The following DGKZ variants were observed in gnomAD, a reference collection of about 807,000 sequenced individuals.
The protein encoded by DGKZ is diacylglycerol kinase zeta.
A neutral mutation model predicts 142.5 loss-of-function variants in DGKZ; 45 were observed. The ratio of observed to expected loss-of-function variants is 0.32; its 90% CI spans 0.25 to 0.40. DGKZ has a LOEUF of 0.40. Among genes scored for constraint, DGKZ ranks in the 10% least tolerant of loss-of-function variants. The probability of loss-of-function intolerance (pLI) is 1.00; values close to 1 mark genes in which losing one functional copy is unlikely to be tolerated. For missense variants in DGKZ, 755 were observed against 1,306.5 expected, an observed-to-expected ratio of 0.58 and a Z score of 6.51; for synonymous variants, 442 against 527.0, an observed-to-expected ratio of 0.84 and a Z score of 2.21.
At chr11:46,335,302 G>T (rs569807954) in intron 1 of DGKZ, among the ~76,000 whole-genome samples, 20 of 145,472 alleles carry the variant, frequency 1.4e-4, no homozygotes, top group African/African-American at 5.0e-4. Flanking sequence ...GACAGAGGGT[G>T]ACTCCATCAA....
At chr11:46,345,328 G>A (rs572952173), upstream of DGKZ, 60 of 1,383,196 alleles carry the variant, frequency 4.3e-5, no homozygotes, top group South Asian at 6.1e-4. The surrounding 1 kb of genome is among the most constrained non-coding windows in gnomAD (Gnocchi z 4.1). Context: ...CAGCTTGGGC[G>A]GCCAGCGGCC....
At chr11:46,345,648 C>G, upstream of DGKZ, 1 of 1,429,292 alleles carries the variant, frequency 7.0e-7, no homozygotes, top group Non-Finnish European at 9.2e-7. This position sits in a 1 kb window ranked among gnomAD's most constrained non-coding sequence, Gnocchi z 4.1. Flanking sequence ...AGCCTTTTAT[C>G]TGAGATGGGG....
At chr11:46,371,632 C>T (rs368207887) in intron 8 of DGKZ, 29 bp downstream of exon 8, 52 of 1,613,352 alleles carry the variant, frequency 3.2e-5, no homozygotes, top group African/African-American at 1.3e-4. Context: ...CTTGATGCCC[C>T]GTACGCACTT....
chr11:46,379,433 C>T (rs572261721), intron 29 of DGKZ, 36 bp from the exon 30 acceptor site: 8 of 1,593,882 alleles, frequency 5.0e-6, no homozygotes, highest in South Asian at 2.3e-5. Flanking sequence ...GATCAGGGGA[C>T]GGGATGGGGT....
intron 1 of DGKZ, chr11:46,366,118 GA>G: frequency 1.4e-6 from 2 of 1,398,150 alleles, no homozygotes. Context: ...TCATGGGGCA[GA>G]GGCTGTGAAT....
exon 1 of DGKZ, chr11:46,333,380 G>T: frequency 1.4e-6 from 2 of 1,419,112 alleles, no homozygotes; most frequent in South Asian, 1.5e-5. Context: ...GCGGGGAGGA[G>T]GCCCAGGTCG....
intron 25 of DGKZ, chr11:46,377,738 C>A: frequency 3.8e-6 from 1 of 262,196 alleles, no homozygotes. Context: ...TGGTCCTGCC[C>A]CACTCTCTTC....
chr11:46,337,751 A>T (rs2136376572), intron 1 of DGKZ, among the ~76,000 whole-genome samples: 1 of 152,068 alleles, frequency 6.6e-6, no homozygotes, highest in African/African-American at 2.4e-5. Context: ...GCCGAAGGAA[A>T]AAGAGAAAAG....
rs758736517 is a variant in DGKZ at position 46,372,522 on chromosome 11, C to T, written c.1010+12C>T. 1 of 1,614,014 alleles carries T rather than the reference C, an allele frequency of 6.2e-7. No individual in the cohort carries two copies. The highest frequency in any genetic ancestry group is 8.5e-7 in the Non-Finnish European group (1 of 1,179,998). ...GGGCCCAAGGAGGCGTAAGTACTTG[C>T]CAAGGTTTTGTGGGGGACATGGGGG... On this transcript the variant is annotated intron_variant, in intron 11 of 30. Transcript: ENST00000527911. The surrounding 1 kb of genome is among the most constrained non-coding windows in gnomAD (Gnocchi z 5.9).
At position 46,367,617 on chromosome 11, in the gene DGKZ, C is replaced by T; in HGVS notation, c.271-35C>T. 3.2e-6 allele frequency: 5 copies of T among 1,562,524 alleles called. No homozygotes were observed. Among genetic ancestry groups the T allele is most frequent in the Non-Finnish European group, 4.3e-6 (5 of 1,150,462 alleles). Reference sequence around the variant, plus strand: ...GCTGATGGGAGGGAGGGCTGGGCGGCCAGCGTGTGCTGAGCAAGCCCATCC... The same window carrying T: ...GCTGATGGGAGGGAGGGCTGGGCGGTCAGCGTGTGCTGAGCAAGCCCATCC... On this transcript the variant is annotated intron_variant, in intron 2 of 30. Transcript: ENST00000527911. This position sits in a 1 kb window ranked among gnomAD's most constrained non-coding sequence, Gnocchi z 4.1.
At position 46,367,203 on chromosome 11, in the gene DGKZ, T is replaced by G; in HGVS notation, c.162-88T>G. On this transcript the variant is annotated intron_variant, in intron 1 of 30. Coordinates refer to ENST00000527911, the Ensembl canonical transcript of DGKZ. This position sits in a 1 kb window ranked among gnomAD's most constrained non-coding sequence, Gnocchi z 4.1. ...TCCTCCGCCCTCCCTGTTGCCGAGG[T>G]CACGGAAAGGGCAGAGGCCCCAGGA... The G allele has an allele frequency of 7.4e-7, 1 of 1,360,222 alleles. No homozygotes were observed. The highest frequency in any genetic ancestry group is 1.0e-6 in the Non-Finnish European group (1 of 974,804). 84.3% of individuals were successfully genotyped at this position (1,360,222 alleles called of 1,614,324 possible).
rs141368349 is a variant in DGKZ at position 46,367,309 on chromosome 11, G to A, written c.180G>A (p.Ser60=). 3 of 1,612,144 alleles carry A rather than the reference G, an allele frequency of 1.9e-6. No homozygotes were observed. The African/African-American group carries it at 4.0e-5, about 22-fold the overall frequency. Reference sequence around the variant, plus strand: ...TCTCTAGGAAAGCCATCACCAAGTCGGGCCTCCAGCACCTGGCCCCCCCTC... The same window carrying A: ...TCTCTAGGAAAGCCATCACCAAGTCAGGCCTCCAGCACCTGGCCCCCCCTC... The change falls in exon 2 of 31, where the codon TCG becomes TCA. Residue 60 remains serine (S), a synonymous_variant. Transcript: ENST00000527911. This position sits in a 1 kb window ranked among gnomAD's most constrained non-coding sequence, Gnocchi z 4.1.
At position 46,379,036 on chromosome 11, in the gene DGKZ, G is replaced by A. The variant is rs1230497615; in HGVS notation, c.2464G>A (p.Glu822Lys). Reference sequence around the variant, plus strand: ...TGGGGGCGACCTCATGCACCGAGACGAGCAGAGTCGCACGCTCCTGCACCA... The same window carrying A: ...TGGGGGCGACCTCATGCACCGAGACAAGCAGAGTCGCACGCTCCTGCACCA... The change falls in exon 28 of 31, where the codon GAG (glutamate) becomes AAG (lysine). Residue 822 changes from glutamate (E) to lysine (K), a missense_variant. Coordinates refer to ENST00000527911, the Ensembl canonical transcript of DGKZ. The A allele has an allele frequency of 9.4e-6, 15 of 1,593,226 alleles. No homozygotes were observed. Among genetic ancestry groups the A allele is most frequent in the African/African-American group, 1.3e-5 (1 of 74,586 alleles).
rs567527457 is a variant in DGKZ, at chr11:46,359,214, G to A, written c.162-8077G>A. 2.6e-5 allele frequency among the ~76,000 whole-genome samples: 4 copies of A among 151,768 alleles called. No homozygotes were observed. The East Asian group carries it at 5.8e-4, about 22-fold the overall frequency. ...TCCCAGCACTTTGGGAGGCCAAGGC[G>A]GGCGGATCACGAGGTCAGGAGTTCG... On this transcript the variant is annotated intron_variant, in intron 1 of 30. Coordinates refer to ENST00000527911, the Ensembl canonical transcript of DGKZ.
intron 27 of DGKZ, chr11:46,378,787 G>A: frequency 1.0e-6 from 1 of 958,268 alleles, no homozygotes; most frequent in Non-Finnish European, 1.6e-6. Context: ...CACCAGTGCT[G>A]CCAGAGAGCC....
chr11:46,347,542 C>T lies in DGKZ; in HGVS notation c.-118C>T. The T allele has an allele frequency of 1.0e-6, 1 of 985,764 alleles. No homozygotes were observed. Among genetic ancestry groups the T allele is most frequent in the Non-Finnish European group, 1.2e-6 (1 of 831,432 alleles). 61.1% of individuals were successfully genotyped at this position (985,764 alleles called of 1,614,324 possible). On this transcript the variant is annotated 5_prime_UTR_variant, in exon 1 of 31. Transcript: ENST00000527911. The surrounding 1 kb of genome is among the most constrained non-coding windows in gnomAD (Gnocchi z 6.4). ...GCGGGGGCGCGCGGCGCGGGGCGGG[C>T]GGAGCGAGCGCGCGCCATGGAGGTG...
In DGKZ at chr11:46,367,359, G is replaced by A. The variant is rs1424694470; in HGVS notation, c.230G>A (p.Ser77Asn). 2 of 1,613,084 alleles carry A rather than the reference G, an allele frequency of 1.2e-6. No individual in the cohort carries two copies. Among genetic ancestry groups the A allele is most frequent in the African/African-American group, 2.7e-5 (2 of 74,928 alleles). ...CCGCCCACCCCTGGGGCCCCGTGCA[G>A]CGAGTCAGAGCGGCAGATCCGGAGT... Residue 77 changes from serine to asparagine, a missense_variant, in exon 2 of 31, where the codon AGC becomes AAC. Coordinates refer to ENST00000527911, the Ensembl canonical transcript of DGKZ. The surrounding 1 kb of genome is among the most constrained non-coding windows in gnomAD (Gnocchi z 4.1).
At chr11:46,361,771 T>G in intron 1 of DGKZ, 2 of 734,920 alleles carry the variant, frequency 2.7e-6, no homozygotes, top group Non-Finnish European at 3.3e-6. Flanking sequence ...GCTGGGTGGG[T>G]GCGGGGAGGG....
intron 1 of DGKZ, chr11:46,362,031 C>T (rs1254726823): frequency 2.0e-5 from 3 of 152,224 alleles, no homozygotes; most frequent in Non-Finnish European, 4.4e-5. Context: ...GGGAGGAGGA[C>T]TCTGCCTCCC....
Sources: gnomAD v4.1 joint callset for allele counts (sites outside exome capture counted in the v4.1 genomes callset) on GRCh38, gnomAD v4.1.1 for gene constraint, Gnocchi (gnomAD v3.1) non-coding constraint, MANE v1.5 for transcripts, NCBI Gene and HGNC (gene_info 2026-07-23, HGNC 2026-07-21) for gene names.